Variants in ARHGAP6 observed in about 807,000 individuals in gnomAD.
ARHGAP6 encodes the protein Rho GTPase activating protein 6.
A neutral mutation model predicts 55.7 loss-of-function variants in ARHGAP6; 16 were observed. The observed-to-expected ratio is 0.29, with a 90% CI of 0.19 to 0.44. ARHGAP6 has a LOEUF of 0.44. ARHGAP6 is among the 20% of genes least tolerant of loss of function. ARHGAP6 has a pLI of 1.00. For missense variants in ARHGAP6, 698 were observed against 808.9 expected (o/e 0.86, Z 1.66); for synonymous variants, 382 against 360.9 (o/e 1.06, Z -0.66).
chrX:11,356,332 T>C lies in ARHGAP6; in HGVS notation c.589-101625A>G, dbSNP rs758516696. 2.7e-5 allele frequency among the ~76,000 whole-genome samples: 3 copies of C among 111,092 alleles called. No homozygotes were observed. The South Asian group carries it at 1.2e-3, about 43-fold the overall frequency. Reference sequence around the variant, plus strand: ...ATGCACGTGGGGCTTAAAACCTAGATGACAGGTTGGTAGATGCAGCAAACC... The same window carrying C: ...ATGCACGTGGGGCTTAAAACCTAGACGACAGGTTGGTAGATGCAGCAAACC... On this transcript the variant is annotated intron_variant, in intron 1 of 12. Coordinates refer to ENST00000337414, the MANE Select transcript of ARHGAP6 (RefSeq NM_013427.3).
rs181350080 is a variant in ARHGAP6, at chrX:11,343,637, C to T, written c.589-88930G>A. Among the ~76,000 whole-genome samples, 3 of 111,201 alleles carry T rather than the reference C, an allele frequency of 2.7e-5. No individual in the cohort carries two copies. The East Asian group carries it at 8.5e-4, about 31-fold the overall frequency. ...CTTAGCTGGAAACTTATTCAAAATG[C>T]AACTGTTTGAACCCCACCCCGGACC... On this transcript the variant is annotated intron_variant, in intron 1 of 12. Coordinates refer to ENST00000337414, the MANE Select transcript of ARHGAP6 (RefSeq NM_013427.3).
intron 1 of ARHGAP6, among the ~76,000 whole-genome samples, chrX:11,516,137 G>A (rs2050837332): frequency 8.9e-6 from 1 of 112,375 alleles, no homozygotes; most frequent in African/African-American, 3.2e-5. Flanking sequence ...TTATATCTCT[G>A]ATCTAATACT....
chrX:11,481,620 C>T (rs1211547070), intron 1 of ARHGAP6, among the ~76,000 whole-genome samples: 4 of 112,736 alleles, frequency 3.5e-5, no homozygotes, highest in African/African-American at 1.3e-4. Context: ...AAATAAACTA[C>T]AAGACACCCA....
In ARHGAP6 at chrX:11,196,950, T is replaced by C. The variant is rs750839287; in HGVS notation, c.795A>G (p.Leu265=). The change falls in exon 3 of 13, where the codon CTA becomes CTG. Residue 265 remains leucine, a synonymous_variant. Transcript: ENST00000337414. ...KKSLRKKLDS[L]GKEKNKDKEF... ...CTTTGTCTTTGTTTTTCTCCTTTCC[T>C]AGTGAATCCAGTTTCTTTCTTAAAG... The C allele has an allele frequency of 8.2e-5, 91 of 1,107,223 alleles. No individual in the cohort carries two copies. The highest frequency in any genetic ancestry group is 2.0e-4 in the Admixed American group (9 of 45,355). 91.2% of individuals were successfully genotyped at this position (1,107,223 alleles called of 1,213,427 possible). A position where few individuals can be genotyped will look rare whatever the true frequency, so the allele number is the denominator to read the frequency against.
At chrX:11,608,917 G>T (rs2052069283) in intron 1 of ARHGAP6, among the ~76,000 whole-genome samples, 1 of 111,511 alleles carries the variant, frequency 9.0e-6, no homozygotes, top group South Asian at 3.8e-4. Context: ...TATCAGCAGT[G>T]TAAAAACGGA....
chrX:11,250,174 T>C (rs1348721068), intron 2 of ARHGAP6, among the ~76,000 whole-genome samples: 2 of 112,423 alleles, frequency 1.8e-5, no homozygotes, highest in East Asian at 5.5e-4. Context: ...TTCCCCTGAC[T>C]ACCTTCACTT....
intron 1 of ARHGAP6, among the ~76,000 whole-genome samples, chrX:11,346,405 T>C (rs1303811235): frequency 8.9e-6 from 1 of 111,733 alleles, no homozygotes; most frequent in Non-Finnish European, 1.9e-5. Context: ...TACAGAAAAG[T>C]TCCCTAACTC....
At chrX:11,500,560 C>G (rs1255484576) in intron 1 of ARHGAP6, among the ~76,000 whole-genome samples, 1 of 105,097 alleles carries the variant, frequency 9.5e-6, no homozygotes, top group Non-Finnish European at 1.9e-5. Context: ...ACTCAGGAGG[C>G]TAAGGCAGGA....
At chrX:11,576,432 A>C (rs1486205171) in intron 1 of ARHGAP6, among the ~76,000 whole-genome samples, 1 of 111,921 alleles carries the variant, frequency 8.9e-6, no homozygotes, top group East Asian at 2.8e-4. Context: ...CACATGCTAC[A>C]ATTTTTGTGG....
chrX:11,145,036 AC>A (rs2045670825), intron 10 of ARHGAP6: 1 of 112,378 alleles, frequency 8.9e-6, no homozygotes, highest in Non-Finnish European at 1.9e-5. Context: ...AAAAATGAGA[AC>A]TTGAGCAACG....
At chrX:11,235,784 A>G in intron 2 of ARHGAP6, among the ~76,000 whole-genome samples, 1 of 111,080 alleles carries the variant, frequency 9.0e-6, no homozygotes, top group East Asian at 2.8e-4. Context: ...CAAATTCCTC[A>G]TCTCCATCTA....
At chrX:11,592,552 G>T (rs886204562) in intron 1 of ARHGAP6, among the ~76,000 whole-genome samples, 2 of 110,441 alleles carry the variant, frequency 1.8e-5, no homozygotes, top group Admixed American at 9.7e-5. Flanking sequence ...TATATTGCTG[G>T]TATATAATAT....
chrX:11,493,286 G>A (rs766662479), intron 1 of ARHGAP6, among the ~76,000 whole-genome samples: 7 of 111,780 alleles, frequency 6.3e-5, no homozygotes, highest in Non-Finnish European at 1.1e-4. Flanking sequence ...AACAAACATG[G>A]CAATGAGGGG....
chrX:11,419,583 G>T, intron 1 of ARHGAP6, among the ~76,000 whole-genome samples: 1 of 112,044 alleles, frequency 8.9e-6, no homozygotes. Flanking sequence ...TTATTCATCT[G>T]TGGGTCTAAT....
rs760428495 is a variant in ARHGAP6, at chrX:11,196,911, A to G, written c.820+14T>C. Reference sequence around the variant, plus strand: ...CATGGAAGATGCATTTACATTGGGTACTTTACCCTTTACCTTTGTCTTTGT... The same window carrying G: ...CATGGAAGATGCATTTACATTGGGTGCTTTACCCTTTACCTTTGTCTTTGT... On this transcript the variant is annotated intron_variant, in intron 3 of 12. Coordinates refer to ENST00000337414, the MANE Select transcript of ARHGAP6 (RefSeq NM_013427.3). The G allele has an allele frequency of 4.9e-5, 47 of 960,447 alleles. No individual in the cohort carries two copies. The highest frequency in any genetic ancestry group is 6.4e-5 in the Non-Finnish European group (43 of 669,984). 79.2% of individuals were successfully genotyped at this position (960,447 alleles called of 1,213,427 possible).
chrX:11,595,432 G>A (rs2051890907), intron 1 of ARHGAP6, among the ~76,000 whole-genome samples: 1 of 111,536 alleles, frequency 9.0e-6, no homozygotes, highest in Non-Finnish European at 1.9e-5. Flanking sequence ...AACTCAAGAT[G>A]GATCAAATAC....
chrX:11,454,110 ATTT>A (rs1187605203), intron 1 of ARHGAP6, among the ~76,000 whole-genome samples: 5,822 of 76,355 alleles, frequency 0.076, 109 homozygotes, highest in East Asian at 0.12. Flanking sequence ...CGCACGGCTA[ATTT>A]TTTTTTTTTT....
chrX:11,260,933 T>C (rs1735829689), intron 1 of ARHGAP6, among the ~76,000 whole-genome samples: 1 of 110,856 alleles, frequency 9.0e-6, no homozygotes, highest in Non-Finnish European at 1.9e-5. Flanking sequence ...ATCAGCCATA[T>C]ACAACAGCTA....
At chrX:11,387,257 C>T (rs1425892308) in intron 1 of ARHGAP6, among the ~76,000 whole-genome samples, 2 of 111,576 alleles carry the variant, frequency 1.8e-5, no homozygotes, top group African/African-American at 6.5e-5. Flanking sequence ...TACAAAATAC[C>T]TATGCACCAC....
Sources: gnomAD v4.1 joint callset for allele counts (sites outside exome capture counted in the v4.1 genomes callset) on GRCh38, gnomAD v4.1.1 for gene constraint, MANE v1.5 for transcripts, NCBI Gene and HGNC (gene_info 2026-07-23, HGNC 2026-07-21) for gene names.